Variants in SHISA9 observed in about 807,000 individuals in gnomAD.
SHISA9 encodes the protein shisa family member 9.
In SHISA9, 13 loss-of-function variants were observed where a neutral mutation model predicts 38.0. The ratio of observed to expected loss-of-function variants is 0.34; its 90% CI spans 0.22 to 0.54. SHISA9 has a LOEUF of 0.54. Among genes scored for constraint, SHISA9 ranks in the 20% least tolerant of loss-of-function variants. The pLI is 0.91. For missense variants in SHISA9, 538 were observed against 575.8 expected (o/e 0.93, Z 0.67); for synonymous variants, 275 against 242.0 (o/e 1.14, Z -1.27).
the SHISA9 span, among the ~76,000 whole-genome samples, chr16:13,464,799 G>A: frequency 9.0e-3 from 1,362 of 152,066 alleles, 21 homozygotes; most frequent in African/African-American, 0.031. Context: ...TAAAATTCCC[G>A]AGATATGTTC....
At chr16:13,170,370 G>C (rs1003600159) in intron 2 of SHISA9, among the ~76,000 whole-genome samples, 9 of 152,282 alleles carry the variant, frequency 5.9e-5, no homozygotes, top group African/African-American at 2.2e-4. Flanking sequence ...CAGGGGCTTT[G>C]TGTTAGTCAA....
At chr16:13,563,004 GC>G in the SHISA9 span, 3 of 152,182 alleles carry the variant, frequency 2.0e-5, no homozygotes, top group Admixed American at 6.5e-5. Context: ...TAAAGGAGTT[GC>G]GTGTTAATCG....
chr16:13,531,985 A>C, the SHISA9 span, among the ~76,000 whole-genome samples: 2 of 152,216 alleles, frequency 1.3e-5, no homozygotes, highest in African/African-American at 4.8e-5. Context: ...AGGAGATTGA[A>C]TGCCAACCAA....
At chr16:13,332,809 A>G in the SHISA9 span, among the ~76,000 whole-genome samples, 2 of 152,122 alleles carry the variant, frequency 1.3e-5, no homozygotes, top group African/African-American at 4.8e-5. Context: ...TTTGCCTTTG[A>G]GTATATGCGC....
At chr16:13,488,679 G>A in the SHISA9 span, among the ~76,000 whole-genome samples, 1 of 152,168 alleles carries the variant, frequency 6.6e-6, no homozygotes, top group Admixed American at 6.5e-5. Flanking sequence ...TATCATCTAA[G>A]TTTGTGTATG....
intron 2 of SHISA9, among the ~76,000 whole-genome samples, chr16:13,143,530 G>A (rs1235899555): frequency 6.6e-6 from 1 of 152,118 alleles, no homozygotes; most frequent in Non-Finnish European, 1.5e-5. Context: ...ACTGTGATCT[G>A]GTCACCATTT....
At chr16:12,996,278 T>G (rs146001896) in intron 2 of SHISA9, among the ~76,000 whole-genome samples, 68 of 152,288 alleles carry the variant, frequency 4.5e-4, no homozygotes, top group African/African-American at 1.6e-3. Flanking sequence ...AAGATCCAGA[T>G]TTTTGGCTTC....
Position 12,905,055 on chromosome 16 carries a change from T to C in SHISA9, c.563+2428T>C, listed in dbSNP as rs976984832. Among the ~76,000 whole-genome samples, 5 of 152,122 alleles carry C rather than the reference T, an allele frequency of 3.3e-5. No homozygotes were observed. The East Asian group carries it at 9.6e-4, about 29-fold the overall frequency. On this transcript the variant is annotated intron_variant, in intron 1 of 4. Coordinates refer to ENST00000558583, the MANE Select transcript of SHISA9 (RefSeq NM_001145204.3). ...TGAAAAGCTCTCCAGGTGATGCTAA[T>C]GTGCAGCCAATCGCTGTTAAGGAAA...
At chr16:13,220,432 A>T in intron 4 of SHISA9, among the ~76,000 whole-genome samples, 1 of 152,218 alleles carries the variant, frequency 6.6e-6, no homozygotes, top group East Asian at 1.9e-4. Flanking sequence ...CACGGAACAG[A>T]GTGTAGAGAT....
the SHISA9 span, among the ~76,000 whole-genome samples, chr16:13,280,149 G>A: frequency 8.4e-5 from 6 of 71,346 alleles, no homozygotes; most frequent in Non-Finnish European, 1.4e-4. Flanking sequence ...TGGTTAGCTT[G>A]GCTAGTGGTT....
chr16:12,919,246 C>T (rs537387125), intron 2 of SHISA9, among the ~76,000 whole-genome samples: 2 of 152,274 alleles, frequency 1.3e-5, no homozygotes, highest in East Asian at 3.9e-4. Flanking sequence ...TGTGCCAGAA[C>T]CAGAAGGCAC....
At chr16:12,908,818 C>G (rs1169687435) in intron 1 of SHISA9, 5 of 1,326,978 alleles carry the variant, frequency 3.8e-6, no homozygotes, top group Non-Finnish European at 4.8e-6. Flanking sequence ...GACAGAAGCA[C>G]ATATGTGAAG....
intron 3 of SHISA9, among the ~76,000 whole-genome samples, chr16:13,207,641 A>T (rs1192917252): frequency 6.6e-6 from 1 of 151,934 alleles, no homozygotes; most frequent in Non-Finnish European, 1.5e-5. Flanking sequence ...GCTTTCTCTG[A>T]GACATAGGTG....
intron 3 of SHISA9, among the ~76,000 whole-genome samples, chr16:13,211,789 A>G (rs1470090634): frequency 1.3e-5 from 2 of 152,232 alleles, no homozygotes; most frequent in East Asian, 1.9e-4. Context: ...CTTCAAGGCA[A>G]ACAGCAATGG....
At chr16:12,962,244 G>T (rs1457618633) in intron 2 of SHISA9, among the ~76,000 whole-genome samples, 3 of 152,256 alleles carry the variant, frequency 2.0e-5, no homozygotes, top group Non-Finnish European at 2.9e-5. Context: ...GAGACTCAGA[G>T]TGGTTCAAGG....
At chr16:13,388,673 C>G in the SHISA9 span, among the ~76,000 whole-genome samples, 1 of 152,072 alleles carries the variant, frequency 6.6e-6, no homozygotes, top group African/African-American at 2.4e-5. Context: ...GCTTTCAGGG[C>G]TTATTGGTAG....
At chr16:13,165,811 C>G (rs68024431) in intron 2 of SHISA9, among the ~76,000 whole-genome samples, 2 of 152,052 alleles carry the variant, frequency 1.3e-5, no homozygotes, top group African/African-American at 4.8e-5. Context: ...GGGGGTTTAT[C>G]GAGCACTTAA....
At chr16:13,477,042 C>G in the SHISA9 span, among the ~76,000 whole-genome samples, 2 of 152,128 alleles carry the variant, frequency 1.3e-5, no homozygotes, top group Admixed American at 6.5e-5. Flanking sequence ...CTGCGCCCAG[C>G]CTTTTTTTCT....
At chr16:13,026,536 A>C (rs78347612) in intron 2 of SHISA9, among the ~76,000 whole-genome samples, 1 of 152,200 alleles carries the variant, frequency 6.6e-6, no homozygotes, top group African/African-American at 2.4e-5. Flanking sequence ...TGCAATGGAC[A>C]TGGGAGTGCA....
Sources: gnomAD v4.1 joint callset for allele counts (sites outside exome capture counted in the v4.1 genomes callset) on GRCh38, gnomAD v4.1.1 for gene constraint, MANE v1.5 for transcripts, NCBI Gene and HGNC (gene_info 2026-07-23, HGNC 2026-07-21) for gene names.